Variants in CRMP1 observed in about 807,000 individuals in gnomAD.
The protein encoded by CRMP1 is dihydropyrimidinase-related protein 1.
CRMP1 carries 19 observed loss-of-function variants against 68.3 expected under a neutral mutation model. That is an observed-to-expected ratio of 0.28 (90% CI 0.19 to 0.41). The LOEUF (loss-of-function observed/expected upper bound fraction) is 0.41, where lower values mean the gene tolerates loss of function less well. Ranked by LOEUF, CRMP1 falls within the 10% of genes least tolerant of loss-of-function variation. CRMP1 has a pLI of 1.00. For synonymous variants in CRMP1, 439 were observed against 399.6 expected (o/e 1.10, Z -1.18); for missense variants, 791 against 967.4 (o/e 0.82, Z 2.42).
At position 5,888,223 on chromosome 4, in the gene CRMP1, C is replaced by T. The variant is rs1370649401; in HGVS notation, c.381+4366G>A. The T allele has an allele frequency of 1.6e-6, 2 of 1,272,090 alleles. No homozygotes were observed. The highest frequency in any genetic ancestry group is 1.5e-5 in the African/African-American group (1 of 65,092). The allele number at this position is 1,272,090 out of a possible 1,614,324, so 78.8% of individuals were successfully genotyped here. On this transcript the variant is annotated intron_variant, in intron 1 of 13. Transcript: ENST00000324989. This position sits in a 1 kb window ranked among gnomAD's most constrained non-coding sequence, Gnocchi z 6.4. Reference sequence around the variant, plus strand: ...CGCGGGGCGGCGGGGGCGGGGGCCGCTTACCGTGATGTGCGGGATGCTCTT... The same window carrying T: ...CGCGGGGCGGCGGGGGCGGGGGCCGTTTACCGTGATGTGCGGGATGCTCTT...
Position 5,850,760 on chromosome 4 carries a change from G to C in CRMP1, c.882+648C>G, listed in dbSNP as rs113300814. 1.3e-5 allele frequency among the ~76,000 whole-genome samples: 2 copies of C among 152,142 alleles called. No homozygotes were observed. Among genetic ancestry groups the C allele is most frequent in the African/African-American group, 2.4e-5 (1 of 41,428 alleles). On this transcript the variant is annotated intron_variant, in intron 5 of 13. Transcript: ENST00000324989. The surrounding 1 kb of genome is among the most constrained non-coding windows in gnomAD (Gnocchi z 4.4). ...ATTTTCTCCACCACACTAACAAGCA[G>C]AGCAAGGGAAACTGACAATGAAACA... is the stretch of plus-strand genomic sequence containing the variant.
In CRMP1 at chr4:5,821,965, C is replaced by T; in HGVS notation, c.1970-114G>A. The stretch of plus-strand genomic sequence containing the variant: ...CCACTGGACCCACCTTCATTCAGGG[C>T]TCAGTCCAGGACCAGCCATGGGAAG... On this transcript the variant is annotated intron_variant, in intron 13 of 13. Transcript: ENST00000324989. The surrounding 1 kb of genome is among the most constrained non-coding windows in gnomAD (Gnocchi z 4.4). The T allele has an allele frequency of 3.6e-6, 3 of 826,464 alleles. No individual in the cohort carries two copies. The highest frequency in any genetic ancestry group is 5.3e-6 in the Non-Finnish European group (3 of 567,914). 51.2% of individuals were successfully genotyped at this position (826,464 alleles called of 1,614,324 possible).
rs1206820936 is a variant in CRMP1, at chr4:5,893,026, C to A, written c.-57G>T. ...CCGCCTGCCCGCCCGCGGCCCTGGGCACCGCCGTGCGCCGCGCTCCGCGCC... is the reference window on the plus strand; with the variant it reads ...CCGCCTGCCCGCCCGCGGCCCTGGGAACCGCCGTGCGCCGCGCTCCGCGCC... On this transcript the variant is annotated 5_prime_UTR_variant, in exon 1 of 14. Coordinates refer to ENST00000324989, the MANE Select transcript of CRMP1 (RefSeq NM_001014809.3). 36 of 1,078,198 alleles carry A rather than the reference C, an allele frequency of 3.3e-5. No homozygotes were observed. The Admixed American group carries it at 3.6e-4, about 11-fold the overall frequency. The allele number at this position is 1,078,198 out of a possible 1,614,324, so 66.8% of individuals were successfully genotyped here.
At position 5,859,542 on chromosome 4, in the gene CRMP1, C is replaced by T. The variant is rs1007057105; in HGVS notation, c.655+1484G>A. ...CGTCTCCAAACCACCCTAGGCACTT[C>T]CCACCATAAGGCCCACATTATAGAT... On this transcript the variant is annotated intron_variant, in intron 3 of 13. Transcript: ENST00000324989. This position sits in a 1 kb window ranked among gnomAD's most constrained non-coding sequence, Gnocchi z 5.2. 3.3e-5 allele frequency among the ~76,000 whole-genome samples: 5 copies of T among 152,236 alleles called. No homozygotes were observed. The East Asian group carries it at 9.6e-4, about 29-fold the overall frequency.
At chr4:5,886,058 C>T (rs1449791238) in intron 1 of CRMP1, among the ~76,000 whole-genome samples, 1 of 152,162 alleles carries the variant, frequency 6.6e-6, no homozygotes, top group Non-Finnish European at 1.5e-5. Context: ...TACAGTGAAG[C>T]CCCATTCAAG....
rs1475734421 is a variant in CRMP1, at chr4:5,851,855, A to AGGG, written c.821-387_821-386insCCC. On this transcript the variant is annotated intron_variant, in intron 4 of 13. Transcript: ENST00000324989. Reference sequence around the variant, plus strand: ...AAGGAGAAGGGGAGGAGGAGGAGGAAGAGGAGCAGGAGGAGGAAGAGGAAG... The same window carrying AGGG: ...AAGGAGAAGGGGAGGAGGAGGAGGAAGGGGAGGAGCAGGAGGAGGAAGAGGAAG... Among the ~76,000 whole-genome samples, 64 of 147,310 alleles carry AGGG rather than the reference A, an allele frequency of 4.3e-4. 1 individual carries two copies. The highest frequency in any genetic ancestry group is 1.5e-3 in the African/African-American group (61 of 39,852).
At chr4:5,836,630 G>A in intron 10 of CRMP1, 135 bp downstream of exon 10, 1 of 1,275,542 alleles carries the variant, frequency 7.8e-7, no homozygotes, top group Non-Finnish European at 1.1e-6. Flanking sequence ...GTTCCCTCCT[G>A]CGCCCTCCTA....
chr4:5,874,015 G>A (rs560443690), intron 1 of CRMP1, among the ~76,000 whole-genome samples: 5 of 152,302 alleles, frequency 3.3e-5, no homozygotes, highest in African/African-American at 9.6e-5. Context: ...GGAAGGAATC[G>A]TCTTTATCTT....
At chr4:5,826,841 T>A (rs1427349928) in intron 12 of CRMP1, 1 of 152,296 alleles carries the variant, frequency 6.6e-6, no homozygotes, top group East Asian at 1.9e-4. Context: ...GGCTCCTGTC[T>A]CTCCATAGGA....
In CRMP1 at chr4:5,870,495, T is replaced by G. The variant is rs1013952438; in HGVS notation, c.382-3739A>C. On this transcript the variant is annotated intron_variant, in intron 1 of 13. Coordinates refer to ENST00000324989, the MANE Select transcript of CRMP1 (RefSeq NM_001014809.3). This position sits in a 1 kb window ranked among gnomAD's most constrained non-coding sequence, Gnocchi z 6.0. ...CACTTGTCTTTACTAGACCGTGAGC[T>G]CCACGGAGGCAACGGACTTTGTCCG... Among the ~76,000 whole-genome samples the G allele has an allele frequency of 1.3e-5, 2 of 152,212 alleles. No individual in the cohort carries two copies. The highest frequency in any genetic ancestry group is 4.8e-5 in the African/African-American group (2 of 41,460).
chr4:5,891,160 A>T lies in CRMP1; in HGVS notation c.381+1429T>A, dbSNP rs1029731376. On this transcript the variant is annotated intron_variant, in intron 1 of 13. Coordinates refer to ENST00000324989, the MANE Select transcript of CRMP1 (RefSeq NM_001014809.3). The surrounding 1 kb of genome is among the most constrained non-coding windows in gnomAD (Gnocchi z 5.2). ...CACCATCTCCCTTTCTGATCACCCC[A>T]CCACCACACACACATACACACACAC... Among the ~76,000 whole-genome samples, 3 of 142,090 alleles carry T rather than the reference A, an allele frequency of 2.1e-5. No individual in the cohort carries two copies. The highest frequency in any genetic ancestry group is 4.5e-5 in the Non-Finnish European group (3 of 65,964). 93.2% of individuals were successfully genotyped at this position (142,090 alleles called of 152,430 possible). A position where few individuals can be genotyped will look rare whatever the true frequency, so the allele number is the denominator to read the frequency against.
chr4:5,869,047 G>A (rs919599181), intron 1 of CRMP1, among the ~76,000 whole-genome samples: 3 of 152,022 alleles, frequency 2.0e-5, no homozygotes, highest in African/African-American at 7.3e-5. Flanking sequence ...AAATTCCTGA[G>A]CTTAAGTGAT....
At position 5,858,498 on chromosome 4, in the gene CRMP1, GC is replaced by G. The variant is rs1039355759; in HGVS notation, c.656-2192del. Among the ~76,000 whole-genome samples, 7 of 151,936 alleles carry G rather than the reference GC, an allele frequency of 4.6e-5. No individual in the cohort carries two copies. In the East Asian group the frequency reaches 1.4e-3, roughly 30 times the overall value. ...CCGTGGCACTTCCTTTCCCTCACAT[GC>G]CCCCGTGTGTGACCCAGCACCGAAG... On this transcript the variant is annotated intron_variant, in intron 3 of 13. Transcript: ENST00000324989. The surrounding 1 kb of genome is among the most constrained non-coding windows in gnomAD (Gnocchi z 5.5).
rs1309005266 is a variant in CRMP1, at chr4:5,834,197, G to C, written c.1623+1718C>G. Among the ~76,000 whole-genome samples, 1 of 152,254 alleles carries C rather than the reference G, an allele frequency of 6.6e-6. No homozygotes were observed. The highest frequency in any genetic ancestry group is 1.5e-5 in the Non-Finnish European group (1 of 68,040). On this transcript the variant is annotated intron_variant, in intron 11 of 13. Transcript: ENST00000324989. The surrounding 1 kb of genome is among the most constrained non-coding windows in gnomAD (Gnocchi z 4.3). ...AAGCAAGGGGCAGCTCCCACAGCCA[G>C]ATGGCGGTAGGAGTGCACACCCTGT...
intron 3 of CRMP1, among the ~76,000 whole-genome samples, chr4:5,857,098 A>G (rs1037219485): frequency 3.5e-5 from 4 of 114,780 alleles, no homozygotes; most frequent in African/African-American, 1.3e-4. Flanking sequence ...TATCACTAAC[A>G]TCACCACCAC....
intron 1 of CRMP1, among the ~76,000 whole-genome samples, chr4:5,886,274 A>C (rs895716916): frequency 6.6e-6 from 1 of 152,168 alleles, no homozygotes; most frequent in Non-Finnish European, 1.5e-5. Context: ...CTCTTTACAC[A>C]CAAGTTGACT....
At chr4:5,874,156 T>C (rs73065508) in intron 1 of CRMP1, among the ~76,000 whole-genome samples, 153 of 152,230 alleles carry the variant, frequency 1.0e-3, no homozygotes, top group African/African-American at 3.6e-3. Flanking sequence ...CTAGAAAATA[T>C]CCAAAACAGG....
Position 5,854,977 on chromosome 4 carries a change from A to G in CRMP1, c.820+1166T>C, listed in dbSNP as rs1379721479. Among the ~76,000 whole-genome samples, 4 of 152,258 alleles carry G rather than the reference A, an allele frequency of 2.6e-5. No homozygotes were observed. The highest frequency in any genetic ancestry group is 5.9e-5 in the Non-Finnish European group (4 of 68,042). ...ACAGGATTTATAATAAAACGAATAG[A>G]AAGCATAAATGCCCAATAAAAAGAA... On this transcript the variant is annotated intron_variant, in intron 4 of 13. Transcript: ENST00000324989. This position sits in a 1 kb window ranked among gnomAD's most constrained non-coding sequence, Gnocchi z 4.0.
chr4:5,871,958 A>G (rs1187452997), intron 1 of CRMP1, among the ~76,000 whole-genome samples: 1 of 152,216 alleles, frequency 6.6e-6, no homozygotes, highest in Non-Finnish European at 1.5e-5. Flanking sequence ...TCGCAGGGAA[A>G]TGAGGTCCAC....
Sources: gnomAD v4.1 joint callset for allele counts (sites outside exome capture counted in the v4.1 genomes callset) on GRCh38, gnomAD v4.1.1 for gene constraint, Gnocchi (gnomAD v3.1) non-coding constraint, MANE v1.5 for transcripts, NCBI Gene and HGNC (gene_info 2026-07-23, HGNC 2026-07-21) for gene names.